The following KCMF1 variants were observed in gnomAD, a reference collection of about 807,000 sequenced individuals.
KCMF1 encodes potassium channel modulatory factor 1.
KCMF1 carries 3 observed loss-of-function variants against 41.1 expected under a neutral mutation model. That is an observed-to-expected ratio of 0.07 (90% CI 0.03 to 0.19). KCMF1 has a LOEUF of 0.19. Ranked by LOEUF, KCMF1 falls within the 10% of genes least tolerant of loss-of-function variation. The pLI is 1.00. For synonymous variants in KCMF1, 142 were observed against 164.5 expected (o/e 0.86, Z 1.04); for missense variants, 286 against 488.9 (o/e 0.58, Z 3.91).
chr2:85,011,360 C>T (rs768627619), intron 1 of KCMF1, among the ~76,000 whole-genome samples: 31 of 152,166 alleles, frequency 2.0e-4, no homozygotes, highest in Non-Finnish European at 3.7e-4. Context: ...CCTGGTTCCT[C>T]TTAGTGGAGG....
At chr2:85,049,135 T>G (rs900697868) in intron 5 of KCMF1, among the ~76,000 whole-genome samples, 1 of 152,244 alleles carries the variant, frequency 6.6e-6, no homozygotes, top group Non-Finnish European at 1.5e-5. Context: ...AAGTTTTACT[T>G]CAAACATAAT....
intron 2 of KCMF1, among the ~76,000 whole-genome samples, chr2:85,030,338 C>G (rs1037586479): frequency 2.6e-5 from 4 of 151,976 alleles, no homozygotes; most frequent in East Asian, 1.9e-4. Context: ...ACTTCTAATT[C>G]TGATAATGTC....
At chr2:84,981,244 C>G (rs1673739065) in intron 1 of KCMF1, among the ~76,000 whole-genome samples, 1 of 151,064 alleles carries the variant, frequency 6.6e-6, no homozygotes, top group Non-Finnish European at 1.5e-5. Context: ...GGCTGGAGCG[C>G]AGTGGTGCAA....
At chr2:84,991,274 C>T (rs1674037284) in intron 1 of KCMF1, among the ~76,000 whole-genome samples, 1 of 152,106 alleles carries the variant, frequency 6.6e-6, no homozygotes, top group South Asian at 2.1e-4. Context: ...AAGGGAGAAG[C>T]ATTTTGGAGA....
chr2:85,009,663 C>G (rs141721268), intron 1 of KCMF1, among the ~76,000 whole-genome samples: 1 of 152,102 alleles, frequency 6.6e-6, no homozygotes, highest in Non-Finnish European at 1.5e-5. Flanking sequence ...TCTCTTCCCC[C>G]CTCTTCTTTC....
At chr2:85,050,775 TA>T (rs1162151664) in intron 6 of KCMF1, among the ~76,000 whole-genome samples, 3 of 152,208 alleles carry the variant, frequency 2.0e-5, no homozygotes, top group Non-Finnish European at 4.4e-5. Context: ...TAGAGGAAAA[TA>T]TTATAATTTC....
intron 1 of KCMF1, among the ~76,000 whole-genome samples, chr2:85,024,585 T>C (rs60443982): frequency 2.3e-5 from 2 of 85,208 alleles, no homozygotes; most frequent in Non-Finnish European, 6.7e-5. Context: ...AGAGAGAGAG[T>C]GTGTGTGTGT....
intron 1 of KCMF1, among the ~76,000 whole-genome samples, chr2:85,009,812 C>T (rs1285160070): frequency 6.6e-6 from 1 of 152,224 alleles, no homozygotes; most frequent in African/African-American, 2.4e-5. Flanking sequence ...CTACTTTCCA[C>T]TTGAAGTGCA....
At chr2:84,978,076 C>T (rs1258322740) in intron 1 of KCMF1, among the ~76,000 whole-genome samples, 1 of 151,974 alleles carries the variant, frequency 6.6e-6, no homozygotes, top group African/African-American at 2.4e-5. Context: ...CAACTCACCG[C>T]AACCTACGCC....
chr2:85,031,527 G>T (rs927444568), intron 2 of KCMF1, among the ~76,000 whole-genome samples: 1 of 152,050 alleles, frequency 6.6e-6, no homozygotes, highest in Non-Finnish European at 1.5e-5. Flanking sequence ...CATAAAATAG[G>T]CTTTGTTTTA....
rs1329899589 is a variant in KCMF1 at position 84,992,506 on chromosome 2, C to G, written c.16+21039C>G. 3.3e-5 allele frequency among the ~76,000 whole-genome samples: 5 copies of G among 152,152 alleles called. No homozygotes were observed. In the South Asian group the frequency reaches 1.0e-3, roughly 32 times the overall value. On this transcript the variant is annotated intron_variant, in intron 1 of 6. Transcript: ENST00000409785. ...CCTGACCTCAGGTGAGCCACCGCGC[C>G]TGGCCCGTTTTGGCTCTTAGTAACC...
intron 1 of KCMF1, among the ~76,000 whole-genome samples, chr2:85,006,086 C>T (rs1345013345): frequency 6.6e-6 from 1 of 151,834 alleles, no homozygotes; most frequent in East Asian, 1.9e-4. Context: ...TGGTCTTTTT[C>T]TTAATGTTTA....
intron 1 of KCMF1, among the ~76,000 whole-genome samples, chr2:84,978,698 A>G (rs1447683717): frequency 1.3e-5 from 2 of 151,700 alleles, no homozygotes; most frequent in African/African-American, 4.8e-5. Context: ...GGCATGTACC[A>G]CCATGCCTGG....
chr2:84,990,019 A>G (rs1203034683), intron 1 of KCMF1, among the ~76,000 whole-genome samples: 1 of 152,188 alleles, frequency 6.6e-6, no homozygotes, highest in East Asian at 1.9e-4. Context: ...AGGTGAGAGT[A>G]TTGGTGTTGA....
intron 5 of KCMF1, among the ~76,000 whole-genome samples, chr2:85,048,907 T>G (rs181540167): frequency 6.6e-5 from 10 of 152,272 alleles, no homozygotes; most frequent in Admixed American, 2.0e-4. Flanking sequence ...TCCTAATAAT[T>G]CATTCAGTCA....
intron 3 of KCMF1, among the ~76,000 whole-genome samples, chr2:85,041,783 T>TA (rs974925092): frequency 3.1e-4 from 44 of 141,846 alleles, no homozygotes; most frequent in African/African-American, 1.1e-3. Context: ...TTTTTTTTTT[T>TA]AAAAAAAGCA....
chr2:85,053,506 G>C lies in KCMF1; in HGVS notation c.*97G>C. ...GTTTGTTTGGTGATTGTAATTTCAGGTCTGTCACTCTTGTTACATTGTGTA... is the reference window on the plus strand; with the variant it reads ...GTTTGTTTGGTGATTGTAATTTCAGCTCTGTCACTCTTGTTACATTGTGTA... On this transcript the variant is annotated 3_prime_UTR_variant, in exon 7 of 7. Coordinates refer to ENST00000409785, the MANE Select transcript of KCMF1 (RefSeq NM_020122.5). 1 of 1,222,096 alleles carries C rather than the reference G, an allele frequency of 8.2e-7. No individual in the cohort carries two copies. Among genetic ancestry groups the C allele is most frequent in the Non-Finnish European group, 1.1e-6 (1 of 883,840 alleles). 75.7% of individuals were successfully genotyped at this position (1,222,096 alleles called of 1,614,324 possible).
Position 84,998,592 on chromosome 2 carries a change from T to TTAC in KCMF1, c.16+27126_16+27127insACT, listed in dbSNP as rs1674233984. Among the ~76,000 whole-genome samples, 5 of 151,394 alleles carry TTAC rather than the reference T, an allele frequency of 3.3e-5. No individual in the cohort carries two copies. The South Asian group carries it at 6.3e-4, about 19-fold the overall frequency. On this transcript the variant is annotated intron_variant, in intron 1 of 6. Coordinates refer to ENST00000409785, the MANE Select transcript of KCMF1 (RefSeq NM_020122.5). ...CCTTATTTATTTATTTATTTATTTA[T>TTAC]TTACTTACTTACTTACTTACTTATT... is the stretch of plus-strand genomic sequence containing the variant.
At chr2:84,983,331 AT>A (rs541149453) in intron 1 of KCMF1, among the ~76,000 whole-genome samples, 39 of 148,620 alleles carry the variant, frequency 2.6e-4, no homozygotes, top group African/African-American at 6.9e-4. Context: ...AAAGTCTTAA[AT>A]TTTTTTTTTT....
Sources: allele counts gnomAD v4.1 joint callset (sites outside exome capture counted in the v4.1 genomes callset), GRCh38; gene constraint gnomAD v4.1.1; transcripts MANE v1.5; gene names NCBI Gene and HGNC (gene_info 2026-07-23, HGNC 2026-07-21).